Variants in PRKCH observed in about 807,000 individuals in gnomAD.
PRKCH encodes the protein protein kinase C eta.
PRKCH carries 28 observed loss-of-function variants against 82.5 expected under a neutral mutation model. The observed-to-expected ratio is 0.34, with a 90% confidence interval of 0.25 to 0.47. The LOEUF (loss-of-function observed/expected upper bound fraction) is 0.47. PRKCH is among the 20% of genes least tolerant of loss of function. PRKCH has a pLI of 1.00. For missense variants in PRKCH, 705 were observed against 881.8 expected (o/e 0.80, Z 2.54); for synonymous variants, 322 against 327.4 (o/e 0.98, Z 0.18).
chr14:61,437,748 C>T (rs1883744893), intron 2 of PRKCH, among the ~76,000 whole-genome samples: 1 of 151,918 alleles, frequency 6.6e-6, no homozygotes, highest in African/African-American at 2.4e-5. Context: ...TTCTCTAGGC[C>T]CCAATTTCCT....
chr14:61,226,877 ACC>A (rs2044700855), intron 1 of PRKCH, among the ~76,000 whole-genome samples: 1 of 151,574 alleles, frequency 6.6e-6, no homozygotes, highest in South Asian at 2.1e-4. Flanking sequence ...ACTTCCCATT[ACC>A]ACCATCATTC....
At chr14:61,256,272 G>A (rs1017561642) in intron 1 of PRKCH, among the ~76,000 whole-genome samples, 2 of 152,144 alleles carry the variant, frequency 1.3e-5, no homozygotes, top group Non-Finnish European at 2.9e-5. Flanking sequence ...CAAAAAGGTG[G>A]TCTATTTTTA....
intron 1 of PRKCH, among the ~76,000 whole-genome samples, chr14:61,230,405 G>A (rs1255510657): frequency 6.6e-6 from 1 of 152,084 alleles, no homozygotes; most frequent in African/African-American, 2.4e-5. Context: ...TCTCCTAGGA[G>A]CCCCTCAGCA....
chr14:61,425,451 C>T (rs891197421), intron 2 of PRKCH, among the ~76,000 whole-genome samples: 3 of 152,208 alleles, frequency 2.0e-5, no homozygotes, highest in African/African-American at 4.8e-5. Flanking sequence ...TTAATAACTG[C>T]CCCACTGGAT....
intron 10 of PRKCH, among the ~76,000 whole-genome samples, chr14:61,505,145 T>C (rs560255864): frequency 6.6e-6 from 1 of 152,306 alleles, no homozygotes; most frequent in African/African-American, 2.4e-5. Context: ...CATTGCTGAA[T>C]GTCTGAAGTA....
intron 5 of PRKCH, 139 bp downstream of exon 5, chr14:61,449,391 G>GC: frequency 1.5e-6 from 1 of 664,164 alleles, no homozygotes; most frequent in South Asian, 1.8e-5. Flanking sequence ...TCCTCCCCCT[G>GC]CCACCTCCCT....
intron 9 of PRKCH, among the ~76,000 whole-genome samples, chr14:61,475,426 TA>T (rs1461840504): frequency 1.3e-5 from 2 of 152,220 alleles, no homozygotes; most frequent in Non-Finnish European, 2.9e-5. Flanking sequence ...TCTCGACCAC[TA>T]GGGGGTGCTC....
Position 61,322,197 on chromosome 14 carries a change from G to A in PRKCH, c.96G>A (p.Ser32=). ...LQPTRWSLRH[S]LFKKGHQLLD... ...CCACCCGCTGGTCCCTGCGCCACTCGCTCTTCAAGAAGGGCCACCAGCTGC... is the reference window on the plus strand; with the variant it reads ...CCACCCGCTGGTCCCTGCGCCACTCACTCTTCAAGAAGGGCCACCAGCTGC... The change falls in exon 1 of 14, where the codon TCG becomes TCA. Residue 32 remains serine (S), a synonymous_variant. Transcript: ENST00000332981. 1 of 1,612,690 alleles carries A rather than the reference G, an allele frequency of 6.2e-7. No homozygotes were observed. Among genetic ancestry groups the A allele is most frequent in the Non-Finnish European group, 8.5e-7 (1 of 1,179,530 alleles).
chr14:61,320,326 G>T (rs1209716530), upstream of PRKCH, among the ~76,000 whole-genome samples: 1 of 152,112 alleles, frequency 6.6e-6, no homozygotes, highest in Non-Finnish European at 1.5e-5. Flanking sequence ...TTGGCTGGGT[G>T]CTGTGGCTCA....
At chr14:61,445,860 G>A in intron 4 of PRKCH, 134 bp downstream of exon 4, 2 of 894,770 alleles carry the variant, frequency 2.2e-6, no homozygotes, top group Non-Finnish European at 3.5e-6. Flanking sequence ...AAACCCCTGT[G>A]TAGATACAAC....
intron 1 of PRKCH, among the ~76,000 whole-genome samples, chr14:61,243,444 G>A (rs940143656): frequency 6.6e-6 from 1 of 151,162 alleles, no homozygotes; most frequent in Admixed American, 6.6e-5. Flanking sequence ...GAGAGAAAGA[G>A]GAAGATATTC....
At position 61,549,914 on chromosome 14, in the gene PRKCH, G is replaced by A. The variant is rs549934262; in HGVS notation, c.*83G>A. 9.5e-5 allele frequency: 139 copies of A among 1,457,510 alleles called. No homozygotes were observed. In the South Asian group the frequency reaches 1.7e-3, roughly 18 times the overall value. 90.3% of individuals were successfully genotyped at this position (1,457,510 alleles called of 1,614,324 possible). ...GAATTTCCTCTATGGGACCTTCCCA[G>A]CATCAGCCTTAGAACAAGAACCTTA... On this transcript the variant is annotated 3_prime_UTR_variant, in exon 14 of 14. Coordinates refer to ENST00000332981, the MANE Select transcript of PRKCH (RefSeq NM_006255.5).
At chr14:61,400,723 T>G (rs187496271) in intron 2 of PRKCH, among the ~76,000 whole-genome samples, 1 of 152,330 alleles carries the variant, frequency 6.6e-6, no homozygotes, top group Non-Finnish European at 1.5e-5. Flanking sequence ...GGATAAACTC[T>G]TACCTAGTAA....
At chr14:61,393,013 A>G (rs2046709650) in intron 2 of PRKCH, among the ~76,000 whole-genome samples, 1 of 152,022 alleles carries the variant, frequency 6.6e-6, no homozygotes. Flanking sequence ...GGCCCCTTGA[A>G]TCACCCTGGA....
intron 12 of PRKCH, among the ~76,000 whole-genome samples, chr14:61,546,980 A>G (rs1208364986): frequency 2.0e-5 from 3 of 152,188 alleles, no homozygotes; most frequent in Admixed American, 6.5e-5. Context: ...GCCCAGCACT[A>G]AGGAAGTTTC....
intron 10 of PRKCH, among the ~76,000 whole-genome samples, chr14:61,508,439 G>A (rs1327562697): frequency 6.6e-6 from 1 of 152,124 alleles, no homozygotes; most frequent in Non-Finnish European, 1.5e-5. Context: ...GTGATAGAGG[G>A]TGGCTTCGTT....
intron 2 of PRKCH, among the ~76,000 whole-genome samples, chr14:61,422,733 G>C (rs1417690129): frequency 6.6e-6 from 1 of 152,176 alleles, no homozygotes; most frequent in South Asian, 2.1e-4. Flanking sequence ...TAAAAGTGTA[G>C]ATTCTTGTTG....
At chr14:61,440,151 G>A (rs1883887539) in intron 2 of PRKCH, among the ~76,000 whole-genome samples, 1 of 152,188 alleles carries the variant, frequency 6.6e-6, no homozygotes, top group South Asian at 2.1e-4. Flanking sequence ...GATACCATTA[G>A]CCTAATTTTG....
intron 1 of PRKCH, among the ~76,000 whole-genome samples, chr14:61,389,976 G>A (rs2046650856): frequency 6.6e-6 from 1 of 152,100 alleles, no homozygotes; most frequent in Admixed American, 6.5e-5. Context: ...TCAGATGAAA[G>A]GTCAAAGGCA....
Sources: allele counts gnomAD v4.1 joint callset (sites outside exome capture counted in the v4.1 genomes callset), GRCh38; gene constraint gnomAD v4.1.1; transcripts MANE v1.5; gene names NCBI Gene and HGNC (gene_info 2026-07-23, HGNC 2026-07-21).